MMP16: variants seen among roughly 807,000 people sequenced by gnomAD.
MMP16 encodes matrix metallopeptidase 16.
Under a neutral mutation model 67.8 loss-of-function variants are expected in MMP16, and 12 were observed. That is an observed-to-expected ratio of 0.18 (90% CI 0.11 to 0.29). The LOEUF is 0.29. Ranked by LOEUF, MMP16 falls within the 10% of genes least tolerant of loss-of-function variation. The pLI is 1.00. For missense variants in MMP16, 475 were observed against 765.7 expected, an observed-to-expected ratio of 0.62 and a Z score of 4.48; for synonymous variants, 249 against 255.9, an observed-to-expected ratio of 0.97 and a Z score of 0.26.
At chr8:88,180,561 G>C (rs1808963839) in intron 3 of MMP16, among the ~76,000 whole-genome samples, 1 of 151,624 alleles carries the variant, frequency 6.6e-6, no homozygotes, top group African/African-American at 2.4e-5. Context: ...AATGATAAAG[G>C]TCTCAATTTT....
At chr8:88,289,725 CACACA>C (rs1810891975) in intron 1 of MMP16, among the ~76,000 whole-genome samples, 17 of 147,388 alleles carry the variant, frequency 1.2e-4, no homozygotes, top group South Asian at 8.8e-4. Flanking sequence ...CACACACACA[CACACA>C]CCCCACTCAT....
intron 1 of MMP16, among the ~76,000 whole-genome samples, chr8:88,284,029 T>C (rs1055171492): frequency 6.6e-6 from 1 of 152,242 alleles, no homozygotes; most frequent in Non-Finnish European, 1.5e-5. Flanking sequence ...CATGAATTGT[T>C]TGCCCCCAAA....
chr8:88,083,833 C>T (rs1009837580), intron 6 of MMP16, among the ~76,000 whole-genome samples: 2 of 152,034 alleles, frequency 1.3e-5, no homozygotes, highest in African/African-American at 4.8e-5. Flanking sequence ...AATTTGACTA[C>T]ATTCCATCTA....
intron 1 of MMP16, among the ~76,000 whole-genome samples, chr8:88,266,656 G>A (rs1326300396): frequency 6.6e-6 from 1 of 152,000 alleles, no homozygotes; most frequent in Non-Finnish European, 1.5e-5. Flanking sequence ...TCGTAATAGT[G>A]CAGTTCTACT....
chr8:88,218,000 T>G (rs1809621194), intron 1 of MMP16, among the ~76,000 whole-genome samples: 1 of 151,970 alleles, frequency 6.6e-6, no homozygotes, highest in Non-Finnish European at 1.5e-5. Flanking sequence ...AAAGATGGGC[T>G]ATACCATTTA....
intron 1 of MMP16, among the ~76,000 whole-genome samples, chr8:88,242,902 T>G (rs1258187325): frequency 6.6e-6 from 1 of 152,162 alleles, no homozygotes. Context: ...GTGTTATTTG[T>G]TAGCATATAT....
chr8:88,131,240 A>G (rs1432763286), intron 4 of MMP16, among the ~76,000 whole-genome samples: 2 of 149,492 alleles, frequency 1.3e-5, no homozygotes, highest in African/African-American at 4.9e-5. Flanking sequence ...TTTCTTCCCT[A>G]TGCTGAGTAT....
rs1808877164 is a variant in MMP16, at chr8:88,175,744, T to C, written c.405-7771A>G. On this transcript the variant is annotated intron_variant, in intron 3 of 9. Coordinates refer to ENST00000286614, the MANE Select transcript of MMP16 (RefSeq NM_005941.5). ...CCTACCCAAATCTCATTTTGAATTGTAGTTCCCGTAATCCCCATGTGTCCT... is the reference window on the plus strand; with the variant it reads ...CCTACCCAAATCTCATTTTGAATTGCAGTTCCCGTAATCCCCATGTGTCCT... Among the ~76,000 whole-genome samples, 5 of 152,326 alleles carry C rather than the reference T, an allele frequency of 3.3e-5. No homozygotes were observed. The South Asian group carries it at 1.0e-3, about 32-fold the overall frequency.
chr8:88,308,248 C>T (rs1392963596), intron 1 of MMP16, among the ~76,000 whole-genome samples: 1 of 152,092 alleles, frequency 6.6e-6, no homozygotes, highest in African/African-American at 2.4e-5. Flanking sequence ...CCTTGCCATG[C>T]AGCAAACTTG....
At chr8:88,315,336 G>C (rs1197639319) in intron 1 of MMP16, among the ~76,000 whole-genome samples, 1 of 152,030 alleles carries the variant, frequency 6.6e-6, no homozygotes, top group Non-Finnish European at 1.5e-5. Context: ...GTGATCTGTG[G>C]TTAGTGTTCT....
intron 1 of MMP16, among the ~76,000 whole-genome samples, chr8:88,256,058 T>A (rs982315700): frequency 7.2e-5 from 11 of 152,208 alleles, no homozygotes; most frequent in African/African-American, 2.4e-4. Flanking sequence ...CTGATCTTAT[T>A]AAAACAGCTC....
intron 1 of MMP16, among the ~76,000 whole-genome samples, chr8:88,222,436 C>A (rs1452693348): frequency 6.6e-6 from 1 of 152,150 alleles, no homozygotes; most frequent in South Asian, 2.1e-4. Context: ...CGCTACCTGA[C>A]TTCAAACTAT....
chr8:88,177,246 T>C (rs1419912360), intron 3 of MMP16, among the ~76,000 whole-genome samples: 3 of 152,230 alleles, frequency 2.0e-5, no homozygotes, highest in Non-Finnish European at 4.4e-5. Context: ...AAGACTGATA[T>C]GGTCTTGCAG....
chr8:88,164,862 T>TC (rs949515587), intron 4 of MMP16, among the ~76,000 whole-genome samples: 3 of 151,752 alleles, frequency 2.0e-5, no homozygotes, highest in African/African-American at 7.3e-5. Flanking sequence ...GACGTGATTG[T>TC]CCCCCTTAGG....
At chr8:88,301,274 T>G (rs1811094764) in intron 1 of MMP16, among the ~76,000 whole-genome samples, 1 of 152,006 alleles carries the variant, frequency 6.6e-6, no homozygotes, top group East Asian at 1.9e-4. Flanking sequence ...TCAATATACC[T>G]CCTCCTCATT....
At chr8:88,103,445 G>C (rs1389956807) in intron 6 of MMP16, among the ~76,000 whole-genome samples, 1 of 151,774 alleles carries the variant, frequency 6.6e-6, no homozygotes, top group Non-Finnish European at 1.5e-5. Context: ...ATGAATAAAA[G>C]ATTACAGTAG....
chr8:88,164,393 T>C (rs1808678875), intron 4 of MMP16, among the ~76,000 whole-genome samples: 1 of 152,024 alleles, frequency 6.6e-6, no homozygotes, highest in African/African-American at 2.4e-5. Context: ...ATAGTTAGAA[T>C]CGAGGATGTA....
chr8:88,214,713 TG>T (rs1402687772), intron 1 of MMP16, among the ~76,000 whole-genome samples: 12 of 152,198 alleles, frequency 7.9e-5, no homozygotes, highest in African/African-American at 2.9e-4. Context: ...GTTATCATGT[TG>T]TATAACTGAT....
At chr8:88,149,001 C>G (rs910269847) in intron 4 of MMP16, among the ~76,000 whole-genome samples, 1 of 152,172 alleles carries the variant, frequency 6.6e-6, no homozygotes, top group Admixed American at 6.5e-5. Context: ...CCAGTGGGTG[C>G]GCGCACCGGG....
Sources: allele counts gnomAD v4.1 joint callset (sites outside exome capture counted in the v4.1 genomes callset), GRCh38; gene constraint gnomAD v4.1.1; transcripts MANE v1.5; gene names NCBI Gene and HGNC (gene_info 2026-07-23, HGNC 2026-07-21).